ZNF143: variants seen among roughly 807,000 people sequenced by gnomAD.
ZNF143 encodes the protein zinc finger protein 143, also known as SPH-binding factor.
A neutral mutation model predicts 74.1 loss-of-function variants in ZNF143; 49 were observed. The ratio of observed to expected loss-of-function variants is 0.66; its 90% CI spans 0.53 to 0.84. The LOEUF is 0.84. ZNF143 is among the 40% of genes least tolerant of loss of function. ZNF143 has a pLI of 0.00. For missense variants in ZNF143, 637 were observed against 793.4 expected, an observed-to-expected ratio of 0.80 and a Z score of 2.37; for synonymous variants, 304 against 282.8, an observed-to-expected ratio of 1.07 and a Z score of -0.75.
At chr11:9,491,814 A>G (rs61876796) in intron 7 of ZNF143, among the ~76,000 whole-genome samples, 9,465 of 152,236 alleles carry the variant, frequency 0.062, 452 homozygotes, top group Admixed American at 0.11. Context: ...GCATTTTTGT[A>G]GAAATGGGGT....
chr11:9,508,054 A>G (rs1201269507), intron 11 of ZNF143, among the ~76,000 whole-genome samples: 3 of 152,122 alleles, frequency 2.0e-5, no homozygotes, highest in Non-Finnish European at 4.4e-5. Context: ...AAATTAAAGT[A>G]TTTACTTCCC....
At chr11:9,510,162 T>A (rs1397189430) in intron 12 of ZNF143, among the ~76,000 whole-genome samples, 1 of 151,658 alleles carries the variant, frequency 6.6e-6, no homozygotes, top group African/African-American at 2.4e-5. Flanking sequence ...TCTCGCTCTG[T>A]TGCCCAGGCT....
intron 14 of ZNF143, among the ~76,000 whole-genome samples, chr11:9,521,616 A>G (rs1470630071): frequency 6.6e-6 from 1 of 151,054 alleles, no homozygotes; most frequent in African/African-American, 2.4e-5. Context: ...TATGGATTCA[A>G]GTTTTTAAGT....
At chr11:9,493,305 T>C (rs559257584) in intron 7 of ZNF143, among the ~76,000 whole-genome samples, 5 of 152,098 alleles carry the variant, frequency 3.3e-5, no homozygotes, top group African/African-American at 1.2e-4. Context: ...CTCTTGACCT[T>C]GTGACCCGCC....
At chr11:9,488,084 C>G (rs991319268) in intron 7 of ZNF143, among the ~76,000 whole-genome samples, 4 of 152,070 alleles carry the variant, frequency 2.6e-5, no homozygotes, top group African/African-American at 4.8e-5. Flanking sequence ...TACTGTAGTT[C>G]TCTTTCTAAA....
intron 7 of ZNF143, among the ~76,000 whole-genome samples, chr11:9,488,251 A>G (rs906763224): frequency 1.4e-4 from 21 of 152,220 alleles, no homozygotes; most frequent in African/African-American, 5.1e-4. Flanking sequence ...CCCTGTCTTG[A>G]AAAAAATTAA....
chr11:9,480,327 C>G (rs1219591166), intron 7 of ZNF143, among the ~76,000 whole-genome samples: 4 of 152,102 alleles, frequency 2.6e-5, no homozygotes, highest in Non-Finnish European at 5.9e-5. Flanking sequence ...GTAGTACATT[C>G]CTGCTTTAAT....
At chr11:9,497,897 C>G (rs1465891113) in intron 10 of ZNF143, 97 bp downstream of exon 10, 1 of 926,208 alleles carries the variant, frequency 1.1e-6, no homozygotes, top group African/African-American at 1.9e-5. Flanking sequence ...GTGGTGCAAT[C>G]TTGGCTCACT....
Position 9,474,581 on chromosome 11 carries a change from A to G in ZNF143, c.321A>G (p.Gln107=), listed in dbSNP as rs146664161. The G allele has an allele frequency of 1.3e-5, 21 of 1,614,100 alleles. No homozygotes were observed. Among genetic ancestry groups the G allele is most frequent in the Non-Finnish European group, 1.6e-5 (19 of 1,180,044 alleles). The change falls in exon 5 of 16, where the codon CAA becomes CAG. Residue 107 remains glutamine (Q), a synonymous_variant. Coordinates refer to ENST00000396602, the MANE Select transcript of ZNF143 (RefSeq NM_003442.6). Reference sequence around the variant, plus strand: ...ACAGTTTGCGTCTAGAGGATGGTCAAGCAGTACAGTTAGAAGATGGTACCA... The same window carrying G: ...ACAGTTTGCGTCTAGAGGATGGTCAGGCAGTACAGTTAGAAGATGGTACCA... ...TGDSLRLEDG[Q]AVQLEDGTTA...
rs544957676 is a variant in ZNF143, at chr11:9,487,187, G to A, written c.646-7459G>A. On this transcript the variant is annotated intron_variant, in intron 7 of 15. Coordinates refer to ENST00000396602, the MANE Select transcript of ZNF143 (RefSeq NM_003442.6). ...TCACCATGTTGGCCAGGCTGGTCTCGAACTCCTGACCTCAAGTGATCTGCC... is the reference window on the plus strand; with the variant it reads ...TCACCATGTTGGCCAGGCTGGTCTCAAACTCCTGACCTCAAGTGATCTGCC... 8.1e-5 allele frequency among the ~76,000 whole-genome samples: 12 copies of A among 148,886 alleles called. 1 individual carries two copies. The highest frequency in any genetic ancestry group is 2.8e-4 in the African/African-American group (11 of 39,630).
chr11:9,495,392 G>C (rs1239221016), intron 8 of ZNF143, among the ~76,000 whole-genome samples: 1 of 152,180 alleles, frequency 6.6e-6, no homozygotes. Context: ...AGTAAACCAA[G>C]ATTGCACCAC....
At chr11:9,461,548 GCCCAGGCCCT>G (rs1008089754) in intron 1 of ZNF143, 6 of 152,140 alleles carry the variant, frequency 3.9e-5, no homozygotes, top group East Asian at 1.9e-4. Flanking sequence ...GACAGGGCTG[GCCCAGGCCCT>G]CCCAGGACCT....
intron 3 of ZNF143, 38 bp downstream of exon 3, chr11:9,472,807 T>A: frequency 6.8e-7 from 1 of 1,471,630 alleles, no homozygotes; most frequent in Non-Finnish European, 9.1e-7. Flanking sequence ...TTAATACCAG[T>A]GATTTATAAC....
chr11:9,481,460 C>T lies in ZNF143; in HGVS notation c.645+1914C>T, dbSNP rs138508759. Reference sequence around the variant, plus strand: ...TCAAATCCACCTAAGTCAACCTCTACTAAGATGCAAACACAGGGTAAATAT... The same window carrying T: ...TCAAATCCACCTAAGTCAACCTCTATTAAGATGCAAACACAGGGTAAATAT... On this transcript the variant is annotated intron_variant, in intron 7 of 15. Coordinates refer to ENST00000396602, the MANE Select transcript of ZNF143 (RefSeq NM_003442.6). Among the ~76,000 whole-genome samples the T allele has an allele frequency of 2.3e-3, 349 of 152,248 alleles. 7 individuals carry two copies. Among genetic ancestry groups the T allele is most frequent in the African/African-American group, 7.8e-3 (325 of 41,544 alleles).
chr11:9,482,391 G>A (rs987301050), intron 7 of ZNF143, among the ~76,000 whole-genome samples: 1 of 148,844 alleles, frequency 6.7e-6, no homozygotes, highest in Non-Finnish European at 1.5e-5. Flanking sequence ...CTGCCTCAGC[G>A]TCTGGAGTAG....
At chr11:9,506,679 G>A (rs961746774) in intron 11 of ZNF143, among the ~76,000 whole-genome samples, 7 of 152,196 alleles carry the variant, frequency 4.6e-5, no homozygotes, top group African/African-American at 1.7e-4. Context: ...ATAAATGTTG[G>A]TCTGACCTAA....
intron 1 of ZNF143, among the ~76,000 whole-genome samples, chr11:9,467,340 A>C (rs1366479959): frequency 6.7e-6 from 1 of 150,164 alleles, no homozygotes; most frequent in African/African-American, 2.5e-5. Context: ...GGTTCAAGTG[A>C]TTCTCCTGCC....
intron 5 of ZNF143, among the ~76,000 whole-genome samples, chr11:9,477,980 C>A (rs781717867): frequency 6.6e-6 from 1 of 152,090 alleles, no homozygotes; most frequent in Non-Finnish European, 1.5e-5. Flanking sequence ...CGCGTGCCAC[C>A]GTGCCCTGCT....
rs1001402714 is a variant in ZNF143 at position 9,514,954 on chromosome 11, C to G, written c.1525-1247C>G. Among the ~76,000 whole-genome samples, 3 of 152,122 alleles carry G rather than the reference C, an allele frequency of 2.0e-5. No individual in the cohort carries two copies. In the South Asian group the frequency reaches 6.2e-4, roughly 32 times the overall value. ...GACCAGCCTGACCAACATGGAGAAA[C>G]CCCATCTCTACTAAAAATACAAAAT... On this transcript the variant is annotated intron_variant, in intron 13 of 15. Coordinates refer to ENST00000396602, the MANE Select transcript of ZNF143 (RefSeq NM_003442.6).
Sources: allele counts gnomAD v4.1 joint callset (sites outside exome capture counted in the v4.1 genomes callset), GRCh38; gene constraint gnomAD v4.1.1; transcripts MANE v1.5; gene names NCBI Gene and HGNC (gene_info 2026-07-23, HGNC 2026-07-21).